The following KPNA4 variants were observed in gnomAD, a reference collection of about 807,000 sequenced individuals.
The protein encoded by KPNA4 is importin subunit alpha-3.
In KPNA4, 13 loss-of-function variants were observed where a neutral mutation model predicts 71.3. That is an observed-to-expected ratio of 0.18 (90% CI 0.12 to 0.29). The LOEUF (loss-of-function observed/expected upper bound fraction) is 0.29. KPNA4 is among the 10% of genes least tolerant of loss of function. The probability of loss-of-function intolerance (pLI) is 1.00; values close to 1 mark genes in which losing one functional copy is unlikely to be tolerated. For missense variants in KPNA4, 334 were observed against 603.2 expected, an observed-to-expected ratio of 0.55 and a Z score of 4.67; for synonymous variants, 189 against 195.2, an observed-to-expected ratio of 0.97 and a Z score of 0.26.
intron 15 of KPNA4, among the ~76,000 whole-genome samples, chr3:160,505,440 T>C (rs1330466200): frequency 1.3e-5 from 2 of 152,158 alleles, no homozygotes; most frequent in African/African-American, 4.8e-5. Context: ...CGTATGAAAA[T>C]AAATTTAAAA....
intron 8 of KPNA4, among the ~76,000 whole-genome samples, chr3:160,526,370 T>A (rs1195224589): frequency 2.0e-5 from 3 of 152,348 alleles, no homozygotes; most frequent in African/African-American, 7.2e-5. Flanking sequence ...AACTTCTCTC[T>A]CAACAATACT....
intron 13 of KPNA4, among the ~76,000 whole-genome samples, chr3:160,513,138 T>TA (rs530945162): frequency 1.2e-3 from 176 of 151,296 alleles, no homozygotes; most frequent in Non-Finnish European, 1.8e-3. Flanking sequence ...TATTCTTGCC[T>TA]AAAAAACTGA....
rs772606186 is a variant in KPNA4 at position 160,528,000 on chromosome 3, T to C, written c.509A>G (p.His170Arg). ...CACTGCTTGCTCACAGACATTCTGA[T>C]GGGGTGAATGGAGAAGCCTCAGGAA... is the stretch of plus-strand genomic sequence containing the variant. ...PLFLRLLHSPHQNVCEQAVWA... is the reference protein window; with the variant it reads ...PLFLRLLHSPRQNVCEQAVWA... The change falls in exon 8 of 17, where the codon CAT becomes CGT. Residue 170 changes from histidine (H) to arginine (R), a missense_variant. Transcript: ENST00000334256. 1.7e-5 allele frequency: 27 copies of C among 1,612,524 alleles called. No individual in the cohort carries two copies. The highest frequency in any genetic ancestry group is 1.9e-5 in the Non-Finnish European group (22 of 1,179,218).
rs200831875 is a variant in KPNA4 at position 160,551,236 on chromosome 3, T to C, written c.69+13978A>G. Among the ~76,000 whole-genome samples, 4 of 152,370 alleles carry C rather than the reference T, an allele frequency of 2.6e-5. No individual in the cohort carries two copies. In the East Asian group the frequency reaches 7.7e-4, roughly 29 times the overall value. ...GTGTTTTAGGAATTTATCCATTTCA[T>C]CTAGGTTATCCAAGTTGTTGGCATA... On this transcript the variant is annotated intron_variant, in intron 1 of 16. Coordinates refer to ENST00000334256, the MANE Select transcript of KPNA4 (RefSeq NM_002268.5).
At chr3:160,534,912 C>T (rs533094225) in intron 5 of KPNA4, among the ~76,000 whole-genome samples, 5 of 151,318 alleles carry the variant, frequency 3.3e-5, no homozygotes, top group South Asian at 2.1e-4. Flanking sequence ...TTAGTAGAGA[C>T]GGGGTTTCAG....
intron 11 of KPNA4, among the ~76,000 whole-genome samples, chr3:160,517,157 A>T (rs1010744468): frequency 2.0e-5 from 3 of 152,042 alleles, no homozygotes; most frequent in Non-Finnish European, 4.4e-5. Context: ...CCTGGAAGAC[A>T]CTATGCCTGT....
rs140219513 is a variant in KPNA4, at chr3:160,516,699, G to C, written c.904-1119C>G. On this transcript the variant is annotated intron_variant, in intron 11 of 16. Coordinates refer to ENST00000334256, the MANE Select transcript of KPNA4 (RefSeq NM_002268.5). The stretch of plus-strand genomic sequence containing the variant: ...AGGTGGGAGGATTGCTTGAGCCTGG[G>C]AGGTCCAGGCTGAAGTGAGCTGTGA... Among the ~76,000 whole-genome samples the C allele has an allele frequency of 4.7e-4, 72 of 152,058 alleles. 1 individual carries two copies. Among genetic ancestry groups the C allele is most frequent in the African/African-American group, 1.7e-3 (72 of 41,372 alleles).
intron 1 of KPNA4, among the ~76,000 whole-genome samples, chr3:160,541,595 A>C (rs1721797722): frequency 6.6e-6 from 1 of 151,986 alleles, no homozygotes; most frequent in Non-Finnish European, 1.5e-5. Context: ...TCTACACTTA[A>C]AATTGGTGAA....
Position 160,526,121 on chromosome 3 carries a change from G to A in KPNA4, c.557-14C>T. The A allele has an allele frequency of 1.3e-6, 2 of 1,493,092 alleles. No homozygotes were observed. Among genetic ancestry groups the A allele is most frequent in the Non-Finnish European group, 1.8e-6 (2 of 1,126,260 alleles). The allele number at this position is 1,493,092 out of a possible 1,614,324, so 92.5% of individuals were successfully genotyped here. A position where few individuals can be genotyped will look rare whatever the true frequency, so the allele number is the denominator to read the frequency against. ...GGGGCCCATCACCTGTAGAAAAAAA[G>A]GATTAATTTACTCAATAAAACATAC... On this transcript the variant is annotated splice_polypyrimidine_tract_variant and intron_variant, in intron 8 of 16. Coordinates refer to ENST00000334256, the MANE Select transcript of KPNA4 (RefSeq NM_002268.5).
rs960988025 is a variant in KPNA4, at chr3:160,514,187, G to C, written c.1033-6C>G. On this transcript the variant is annotated splice_region_variant and splice_polypyrimidine_tract_variant and intron_variant, in intron 12 of 16. Coordinates refer to ENST00000334256, the MANE Select transcript of KPNA4 (RefSeq NM_002268.5). ...GAGAGGAACCACACTGCTTCCTGTA[G>C]AACAAGAGCATTTGAATATTTCTCA... is the stretch of plus-strand genomic sequence containing the variant. 1.3e-6 allele frequency: 2 copies of C among 1,574,284 alleles called. No individual in the cohort carries two copies. Among genetic ancestry groups the C allele is most frequent in the Middle Eastern group, 1.7e-4 (1 of 5,964 alleles).
intron 14 of KPNA4, among the ~76,000 whole-genome samples, chr3:160,509,432 T>C (rs35281166): frequency 0.14 from 21,837 of 152,158 alleles, 2,114 homozygotes; most frequent in Non-Finnish European, 0.21. Flanking sequence ...CTCCTGACTA[T>C]AGGGGCCTCA....
intron 7 of KPNA4, among the ~76,000 whole-genome samples, chr3:160,529,995 C>T (rs577766729): frequency 1.5e-4 from 22 of 151,394 alleles, no homozygotes; most frequent in South Asian, 8.4e-4. Context: ...ACTAGCCGGG[C>T]GTGGTGGTGG....
intron 13 of KPNA4, among the ~76,000 whole-genome samples, chr3:160,512,244 T>TATGC (rs1224679344): frequency 6.6e-6 from 1 of 152,180 alleles, no homozygotes; most frequent in Non-Finnish European, 1.5e-5. Flanking sequence ...GGCCTGGGAA[T>TATGC]CATGTCATAT....
At chr3:160,514,932 A>C (rs1040000998) in intron 12 of KPNA4, 1 of 518,080 alleles carries the variant, frequency 1.9e-6, no homozygotes, top group Non-Finnish European at 3.9e-6. Flanking sequence ...GGACCATTTT[A>C]ATGAACCTGT....
intron 1 of KPNA4, among the ~76,000 whole-genome samples, chr3:160,558,592 A>G (rs981806608): frequency 2.0e-5 from 3 of 152,218 alleles, no homozygotes; most frequent in Non-Finnish European, 4.4e-5. Flanking sequence ...GTCCTTTAAG[A>G]GCCTGTATTA....
intron 10 of KPNA4, among the ~76,000 whole-genome samples, chr3:160,524,193 G>C (rs1721416925): frequency 6.6e-6 from 1 of 152,152 alleles, no homozygotes; most frequent in Admixed American, 6.5e-5. Flanking sequence ...TCAAAGGCAA[G>C]AAAATGGAGT....
chr3:160,560,361 G>A (rs1482779743), intron 1 of KPNA4, among the ~76,000 whole-genome samples: 1 of 152,040 alleles, frequency 6.6e-6, no homozygotes, highest in Non-Finnish European at 1.5e-5. Flanking sequence ...AGCATATACA[G>A]TAGGTGCTCA....
At position 160,514,851 on chromosome 3, in the gene KPNA4, A is replaced by C. The variant is rs944531492; in HGVS notation, c.1032+601T>G. 76 of 435,958 alleles carry C rather than the reference A, an allele frequency of 1.7e-4. No individual in the cohort carries two copies. In the East Asian group the frequency reaches 4.1e-3, roughly 24 times the overall value. 27.0% of individuals were successfully genotyped at this position (435,958 alleles called of 1,614,324 possible). On this transcript the variant is annotated intron_variant, in intron 12 of 16. Transcript: ENST00000334256. ...GCCTTACGCGTTATAATCATAGATA[A>C]CTAATAAGTTTTACTCTAAAAAATA...
At chr3:160,563,942 T>C (rs970874282) in intron 1 of KPNA4, among the ~76,000 whole-genome samples, 22 of 152,022 alleles carry the variant, frequency 1.4e-4, no homozygotes, top group African/African-American at 5.1e-4. Context: ...ACTTTAAAGA[T>C]AATATTAACA....
Sources: gnomAD v4.1 joint callset for allele counts (sites outside exome capture counted in the v4.1 genomes callset) on GRCh38, gnomAD v4.1.1 for gene constraint, MANE v1.5 for transcripts, NCBI Gene and HGNC (gene_info 2026-07-23, HGNC 2026-07-21) for gene names.